NIPBL: variants seen among roughly 807,000 people sequenced by gnomAD.
NIPBL encodes NIPBL cohesin loading factor.
NIPBL carries 19 observed loss-of-function variants against 321.8 expected under a neutral mutation model. The observed-to-expected ratio is 0.06, with a 90% CI of 0.04 to 0.09. The LOEUF is 0.09. NIPBL is among the 10% of genes least tolerant of loss of function. NIPBL has a pLI of 1.00. For missense variants in NIPBL, 2,210 were observed against 3,327.0 expected, an observed-to-expected ratio of 0.66 and a Z score of 8.26; for synonymous variants, 1,106 against 1,114.1, an observed-to-expected ratio of 0.99 and a Z score of 0.14.
intron 7 of NIPBL, 74 bp from the exon 8 acceptor site, chr5:36,971,871 T>G: frequency 6.5e-7 from 1 of 1,536,586 alleles, no homozygotes; most frequent in Admixed American, 1.8e-5. Flanking sequence ...TTATGTCTCT[T>G]ATTGGTTCTC....
At chr5:37,015,083 G>A (rs213513) in intron 22 of NIPBL, among the ~76,000 whole-genome samples, 30,458 of 151,554 alleles carry the variant, frequency 0.2, 3,969 homozygotes, top group African/African-American at 0.36. Flanking sequence ...TACCTGAATA[G>A]GAAAGTTTGT....
At chr5:36,888,479 A>G (rs552225779) in intron 1 of NIPBL, among the ~76,000 whole-genome samples, 1 of 152,258 alleles carries the variant, frequency 6.6e-6, no homozygotes, top group Non-Finnish European at 1.5e-5. Context: ...GGAATGTATA[A>G]GGAAAGTTAA....
At chr5:36,898,021 G>A (rs932030888) in intron 1 of NIPBL, among the ~76,000 whole-genome samples, 2 of 151,922 alleles carry the variant, frequency 1.3e-5, no homozygotes, top group Non-Finnish European at 2.9e-5. Flanking sequence ...AAAAATAACA[G>A]ATTACAGTAT....
intron 1 of NIPBL, among the ~76,000 whole-genome samples, chr5:36,898,401 GAGAT>G (rs1443698062): frequency 6.6e-6 from 1 of 152,082 alleles, no homozygotes; most frequent in Non-Finnish European, 1.5e-5. Flanking sequence ...AGAAACCCAT[GAGAT>G]AGATATTTTT....
At chr5:36,976,890 T>G (rs1019446967) in intron 9 of NIPBL, among the ~76,000 whole-genome samples, 1 of 152,102 alleles carries the variant, frequency 6.6e-6, no homozygotes, top group African/African-American at 2.4e-5. Context: ...TGTCAAATTT[T>G]TTTAGTAAAC....
At chr5:36,901,784 C>T (rs761716923) in intron 1 of NIPBL, among the ~76,000 whole-genome samples, 5 of 152,116 alleles carry the variant, frequency 3.3e-5, no homozygotes, top group Non-Finnish European at 7.4e-5. Context: ...GCTAGGATTA[C>T]AGGGGTGAGC....
chr5:36,964,954 A>AT (rs1186803039), intron 6 of NIPBL, among the ~76,000 whole-genome samples: 7 of 152,200 alleles, frequency 4.6e-5, no homozygotes, highest in Non-Finnish European at 8.8e-5. Flanking sequence ...CATCAGAGAA[A>AT]TACAAACAAA....
rs1220147260 is a variant in NIPBL at position 37,007,362 on chromosome 5, C to T, written c.4127C>T (p.Ser1376Phe). 9 of 1,611,998 alleles carry T rather than the reference C, an allele frequency of 5.6e-6. No individual in the cohort carries two copies. The highest frequency in any genetic ancestry group is 7.6e-6 in the Non-Finnish European group (9 of 1,178,656). Residue 1376 changes from serine to phenylalanine, a missense_variant, in exon 18 of 47, where the codon TCT becomes TTT. Ser to Phe is a radical substitution (Grantham distance 155). Transcript: ENST00000282516. ...LSSKAKRAKCSTHKQRVIVML... is the reference protein window; with the variant it reads ...LSSKAKRAKCFTHKQRVIVML... ...TCAAAAGCAAAACGGGCTAAATGTT[C>T]TACCCATAAGCAGAGAGTAATAGTA...
intron 32 of NIPBL, among the ~76,000 whole-genome samples, chr5:37,033,730 A>ATATATATAT (rs775482943): frequency 9.3e-5 from 2 of 21,518 alleles, no homozygotes; most frequent in Non-Finnish European, 1.6e-4. Flanking sequence ...ATATATATAT[A>ATATATATAT]TTTTTTTTTT....
intron 1 of NIPBL, among the ~76,000 whole-genome samples, chr5:36,877,560 A>C (rs1293020647): frequency 2.6e-5 from 4 of 152,220 alleles, no homozygotes; most frequent in African/African-American, 9.6e-5. Flanking sequence ...GGGGAGGCGG[A>C]AACAATACAA....
intron 1 of NIPBL, among the ~76,000 whole-genome samples, chr5:36,893,570 CTCAA>C (rs768933274): frequency 4.6e-5 from 7 of 151,344 alleles, no homozygotes; most frequent in Non-Finnish European, 7.4e-5. Flanking sequence ...CCTTAGACTT[CTCAA>C]TCATTCAGTA....
chr5:36,924,141 A>G (rs112058020), intron 1 of NIPBL, among the ~76,000 whole-genome samples: 1 of 152,184 alleles, frequency 6.6e-6, no homozygotes, highest in East Asian at 1.9e-4. Context: ...ATAGCTCTTA[A>G]CTTTGGATAA....
chr5:37,044,330 T>G lies in NIPBL; in HGVS notation c.6109-17T>G, dbSNP rs369670076. 6.2e-7 allele frequency: 1 copy of G among 1,610,676 alleles called. No individual in the cohort carries two copies. Among genetic ancestry groups the G allele is most frequent in the Non-Finnish European group, 8.5e-7 (1 of 1,177,406 alleles). On this transcript the variant is annotated splice_polypyrimidine_tract_variant and intron_variant, in intron 34 of 46. Transcript: ENST00000282516. ...CAGGTTTTGGATATTCATAAAGCAT[T>G]AATTTTATTCTTATAGACGCAAAAT...
chr5:37,037,038 A>G (rs1751771610), intron 33 of NIPBL, among the ~76,000 whole-genome samples: 1 of 152,054 alleles, frequency 6.6e-6, no homozygotes, highest in Admixed American at 6.6e-5. Flanking sequence ...CACATTATTT[A>G]CCAATCACAA....
At chr5:36,990,077 C>G (rs1214541423) in intron 10 of NIPBL, among the ~76,000 whole-genome samples, 1 of 151,890 alleles carries the variant, frequency 6.6e-6, no homozygotes, top group Non-Finnish European at 1.5e-5. Context: ...TCAGTGCTTT[C>G]AAGAAATATC....
At chr5:37,024,027 T>C (rs1246250062) in intron 29 of NIPBL, among the ~76,000 whole-genome samples, 2 of 151,932 alleles carry the variant, frequency 1.3e-5, no homozygotes, top group African/African-American at 4.8e-5. Flanking sequence ...TAGCCAGGCG[T>C]GGTGGTATGC....
chr5:36,951,334 G>A (rs10041439), intron 1 of NIPBL, among the ~76,000 whole-genome samples: 6,330 of 152,150 alleles, frequency 0.042, 454 homozygotes, highest in African/African-American at 0.14. Context: ...GAATCCTCTA[G>A]CATATTACTC....
At chr5:36,923,108 A>C (rs245588) in intron 1 of NIPBL, among the ~76,000 whole-genome samples, 20,747 of 151,940 alleles carry the variant, frequency 0.14, 1,776 homozygotes, top group East Asian at 0.31. Context: ...CCAACATACA[A>C]AATTACAAAA....
chr5:37,041,806 CTG>C (rs1752413209), intron 34 of NIPBL, among the ~76,000 whole-genome samples: 1 of 151,018 alleles, frequency 6.6e-6, no homozygotes, highest in Admixed American at 6.6e-5. Flanking sequence ...CTCAAGTGAT[CTG>C]CCTACTGTGG....
Sources: gnomAD v4.1 joint callset for allele counts (sites outside exome capture counted in the v4.1 genomes callset) on GRCh38, gnomAD v4.1.1 for gene constraint, MANE v1.5 for transcripts, NCBI Gene and HGNC (gene_info 2026-07-23, HGNC 2026-07-21) for gene names.